The following CLIP4 variants were observed in gnomAD, a reference collection of about 807,000 sequenced individuals.
CLIP4 encodes the protein CAP-Gly domain-containing linker protein 4.
A neutral mutation model predicts 73.1 loss-of-function variants in CLIP4; 47 were observed. That is an observed-to-expected ratio of 0.64 (90% CI 0.51 to 0.82). The LOEUF (loss-of-function observed/expected upper bound fraction) is 0.82, where lower values mean the gene tolerates loss of function less well. Ranked by LOEUF, CLIP4 falls within the 40% of genes least tolerant of loss-of-function variation. The probability of loss-of-function intolerance (pLI) is 0.00; values close to 1 mark genes in which losing one functional copy is unlikely to be tolerated. For synonymous variants in CLIP4, 306 were observed against 295.4 expected, an observed-to-expected ratio of 1.04 and a Z score of -0.37; for missense variants, 874 against 852.9, an observed-to-expected ratio of 1.02 and a Z score of -0.31.
At chr2:29,170,624 T>G (rs929807437) in intron 14 of CLIP4, among the ~76,000 whole-genome samples, 12 of 152,182 alleles carry the variant, frequency 7.9e-5, no homozygotes, top group Non-Finnish European at 1.3e-4. Flanking sequence ...AGTTATCAGT[T>G]TTTTATTTTG....
intron 2 of CLIP4, among the ~76,000 whole-genome samples, chr2:29,128,604 G>C (rs763834201): frequency 6.6e-6 from 1 of 152,100 alleles, no homozygotes; most frequent in African/African-American, 2.4e-5. Context: ...CCCATCAAGA[G>C]CAGGCCCATA....
chr2:29,123,555 G>C (rs751073434), intron 2 of CLIP4, among the ~76,000 whole-genome samples: 30 of 152,170 alleles, frequency 2.0e-4, no homozygotes, highest in Non-Finnish European at 4.3e-4. Context: ...GAAGAGGCTG[G>C]CTGTGAGAAG....
intron 9 of CLIP4, among the ~76,000 whole-genome samples, chr2:29,155,773 C>T (rs73920712): frequency 0.019 from 2,893 of 152,232 alleles, 84 homozygotes; most frequent in African/African-American, 0.065. Context: ...CAGCCTCTCC[C>T]GCTGTGGTTT....
chr2:29,107,358 G>GTTTTGTTTTT (rs1668239932), intron 1 of CLIP4, among the ~76,000 whole-genome samples: 23 of 65,352 alleles, frequency 3.5e-4, no homozygotes, highest in Non-Finnish European at 6.2e-4. Flanking sequence ...GAACATGATA[G>GTTTTGTTTTT]TTTTTTTTTT....
At chr2:29,137,400 G>A (rs1258729632) in intron 6 of CLIP4, among the ~76,000 whole-genome samples, 2 of 152,050 alleles carry the variant, frequency 1.3e-5, no homozygotes, top group Non-Finnish European at 2.9e-5. Flanking sequence ...TATATGTACC[G>A]CATTTTCTTT....
chr2:29,141,003 C>G (rs1665726671), intron 6 of CLIP4, among the ~76,000 whole-genome samples: 1 of 152,072 alleles, frequency 6.6e-6, no homozygotes, highest in African/African-American at 2.4e-5. Flanking sequence ...TTGCTACATC[C>G]CAGAGGTTTT....
Position 29,183,327 on chromosome 2 carries a change from A to G in CLIP4, c.*1434A>G, listed in dbSNP as rs1351497720. On this transcript the variant is annotated 3_prime_UTR_variant, in exon 16 of 16. Transcript: ENST00000320081. ...TACTATTTTAAATCTAAATTCTGTC[A>G]CTTCGCTGCCTTTTTAAAATAGTGT... The G allele has an allele frequency of 2.0e-5, 3 of 152,624 alleles. No homozygotes were observed. Among genetic ancestry groups the G allele is most frequent in the African/African-American group, 4.8e-5 (2 of 41,450 alleles). 9.5% of individuals were successfully genotyped at this position (152,624 alleles called of 1,614,324 possible). A position where few individuals can be genotyped will look rare whatever the true frequency, so the allele number is the denominator to read the frequency against.
intron 4 of CLIP4, among the ~76,000 whole-genome samples, chr2:29,133,376 G>C (rs777225923): frequency 6.6e-6 from 1 of 152,160 alleles, no homozygotes; most frequent in Non-Finnish European, 1.5e-5. Flanking sequence ...CATTCTATGT[G>C]TGTCTCAATT....
intron 2 of CLIP4, among the ~76,000 whole-genome samples, chr2:29,124,843 G>GT (rs1664494681): frequency 6.6e-6 from 1 of 152,090 alleles, no homozygotes; most frequent in African/African-American, 2.4e-5. Context: ...TATATTGACT[G>GT]TTTTAATGTC....
chr2:29,156,990 G>A (rs192080634), intron 10 of CLIP4, among the ~76,000 whole-genome samples: 10 of 152,174 alleles, frequency 6.6e-5, no homozygotes, highest in East Asian at 3.9e-4. Flanking sequence ...TGATCTTACC[G>A]TGGGAATCCT....
chr2:29,129,955 A>G (rs550477644), intron 2 of CLIP4: 13 of 470,810 alleles, frequency 2.8e-5, no homozygotes, highest in African/African-American at 2.2e-4. Flanking sequence ...GGTCTTAACT[A>G]TTAAGGATTC....
intron 1 of CLIP4, among the ~76,000 whole-genome samples, chr2:29,099,022 C>T (rs1047374346): frequency 6.6e-6 from 1 of 152,216 alleles, no homozygotes; most frequent in Non-Finnish European, 1.5e-5. Flanking sequence ...GGTGAGGTGT[C>T]TGTTCAGATC....
chr2:29,178,519 T>C (rs1457243290), intron 15 of CLIP4, among the ~76,000 whole-genome samples: 1 of 152,150 alleles, frequency 6.6e-6, no homozygotes, highest in Non-Finnish European at 1.5e-5. Context: ...ATGAATCATA[T>C]TCCATATGCC....
chr2:29,133,374 G>A (rs1304020436), intron 4 of CLIP4, among the ~76,000 whole-genome samples: 1 of 152,188 alleles, frequency 6.6e-6, no homozygotes, highest in Non-Finnish European at 1.5e-5. Flanking sequence ...AGCATTCTAT[G>A]TGTGTCTCAA....
At chr2:29,154,028 T>C (rs1666755120) in intron 9 of CLIP4, among the ~76,000 whole-genome samples, 1 of 152,192 alleles carries the variant, frequency 6.6e-6, no homozygotes, top group South Asian at 2.1e-4. Flanking sequence ...ATCTTTACAA[T>C]AGTCAGTTTT....
chr2:29,121,285 C>T, intron 1 of CLIP4, 89 bp from the exon 2 acceptor site: 1 of 1,259,364 alleles, frequency 7.9e-7, no homozygotes, highest in South Asian at 1.5e-5. Context: ...GATTTGACGT[C>T]AAATAACTTT....
rs190814905 is a variant in CLIP4 at position 29,142,596 on chromosome 2, A to G, written c.649-1113A>G. On this transcript the variant is annotated intron_variant, in intron 6 of 15. Coordinates refer to ENST00000320081, the MANE Select transcript of CLIP4 (RefSeq NM_024692.6). Reference sequence around the variant, plus strand: ...AGTCCATTACCATCCTAGACATCTAATAACATATCTTCTTGCCATATTTCT... The same window carrying G: ...AGTCCATTACCATCCTAGACATCTAGTAACATATCTTCTTGCCATATTTCT... 1.3e-3 allele frequency among the ~76,000 whole-genome samples: 200 copies of G among 152,302 alleles called. 1 individual carries two copies. The highest frequency in any genetic ancestry group is 3.9e-3 in the Admixed American group (60 of 15,302).
chr2:29,168,212 T>C (rs1267542936), intron 14 of CLIP4, among the ~76,000 whole-genome samples: 1 of 152,224 alleles, frequency 6.6e-6, no homozygotes, highest in African/African-American at 2.4e-5. Context: ...TTGCATTTTC[T>C]GGATTACAAA....
exon 1 of CLIP4, chr2:29,097,890 A>C (rs1356706130): frequency 6.6e-6 from 1 of 152,238 alleles, no homozygotes; most frequent in Non-Finnish European, 1.5e-5. Context: ...AGAAAGACCC[A>C]TGAGGGACTG....
Sources: allele counts gnomAD v4.1 joint callset (sites outside exome capture counted in the v4.1 genomes callset), GRCh38; gene constraint gnomAD v4.1.1; transcripts MANE v1.5; gene names NCBI Gene and HGNC (gene_info 2026-07-23, HGNC 2026-07-21).